Variants in IRAG2 observed in about 807,000 individuals in gnomAD.
The protein encoded by IRAG2 is lymphoid restricted membrane protein.
Under a neutral mutation model 69.9 loss-of-function variants are expected in IRAG2, and 45 were observed. That is an observed-to-expected ratio of 0.64 (90% confidence interval 0.51 to 0.83). IRAG2 has a LOEUF of 0.83. Among genes scored for constraint, IRAG2 ranks in the 40% least tolerant of loss-of-function variants. The probability of loss-of-function intolerance (pLI) is 0.00; values close to 1 mark genes in which losing one functional copy is unlikely to be tolerated. For missense variants in IRAG2, 520 were observed against 587.0 expected, an observed-to-expected ratio of 0.89 and a Z score of 1.18; for synonymous variants, 193 against 202.4, an observed-to-expected ratio of 0.95 and a Z score of 0.40.
At chr12:25,076,965 A>G (rs1016800751) in intron 6 of IRAG2, among the ~76,000 whole-genome samples, 2 of 150,528 alleles carry the variant, frequency 1.3e-5, no homozygotes, top group African/African-American at 4.9e-5. Flanking sequence ...AACCTTAACC[A>G]CCTGGGCTCA....
intron 6 of IRAG2, chr12:25,076,374 G>A (rs1946690132): frequency 1.0e-6 from 1 of 958,382 alleles, no homozygotes. Flanking sequence ...TAACTACAAT[G>A]TTTCATATCT....
At chr12:25,103,096 T>C (rs1948844765) in intron 17 of IRAG2, 2 of 152,220 alleles carry the variant, frequency 1.3e-5, no homozygotes, top group South Asian at 4.1e-4. Context: ...TTAGGGATGA[T>C]GGTTTAAGAA....
Position 25,089,762 on chromosome 12 carries a change from G to T in IRAG2, c.438-1G>T. 6.2e-7 allele frequency: 1 copy of T among 1,613,362 alleles called. No homozygotes were observed. The highest frequency in any genetic ancestry group is 8.5e-7 in the Non-Finnish European group (1 of 1,179,964). The stretch of plus-strand genomic sequence containing the variant: ...AATATGTTTTTTGTCTTATCCTACA[G>T]CACTTCTGCTAATGAGAAGGAGGTG... On this transcript the variant is annotated splice_acceptor_variant, in intron 12 of 21. Transcript: ENST00000556887. LOFTEE classifies it high-confidence loss of function.
At chr12:25,015,985 C>G (rs1944524287) in intron 5 of IRAG2, among the ~76,000 whole-genome samples, 1 of 152,140 alleles carries the variant, frequency 6.6e-6, no homozygotes, top group Admixed American at 6.5e-5. Flanking sequence ...CACTTGAAGT[C>G]AGAAGTTTGA....
At chr12:25,026,819 C>T in exon 9 of IRAG2, 1 of 1,229,160 alleles carries the variant, frequency 8.1e-7, no homozygotes, top group Non-Finnish European at 1.0e-6. Flanking sequence ...TATAGACAGA[C>T]TGGAAAAGAA....
intron 15 of IRAG2, 52 bp downstream of exon 15, chr12:25,097,096 T>G: frequency 6.5e-7 from 1 of 1,531,954 alleles, no homozygotes. Context: ...AAAGATTCAC[T>G]TTTCCTGAGA....
chr12:25,053,005 C>T (rs189125378), intron 1 of IRAG2, 49 bp downstream of exon 1: 8 of 398,100 alleles, frequency 2.0e-5, no homozygotes, highest in Non-Finnish European at 3.1e-5. Flanking sequence ...CACCCTCAGG[C>T]GGGGCATAGG....
In IRAG2 at chr12:25,041,616, C is replaced by G. The variant is rs189937116; in HGVS notation, c.2144+3479C>G. The stretch of plus-strand genomic sequence containing the variant: ...TCCCGAGTTCAAGTGATTCTCTTGC[C>G]TCAGACTCCCAAGTAGCTGTATGCC... On this transcript the variant is annotated intron_variant, in intron 16 of 38. Transcript: ENST00000636465. 2.9e-3 allele frequency among the ~76,000 whole-genome samples: 433 copies of G among 151,736 alleles called. 12 individuals are homozygous for G. Among genetic ancestry groups the G allele is most frequent in the Middle Eastern group, 0.02 (6 of 294 alleles).
In IRAG2 at chr12:25,106,993, G is replaced by A. The variant is rs544896277; in HGVS notation, c.1199G>A (p.Arg400Lys). 6.2e-7 allele frequency: 1 copy of A among 1,608,324 alleles called. No homozygotes were observed. The highest frequency in any genetic ancestry group is 1.3e-5 in the African/African-American group (1 of 74,734). The change falls in exon 21 of 22, where the codon AGG (arginine) becomes AAG (lysine). Residue 400 changes from arginine (R) to lysine (K), a missense_variant. By Grantham distance (26) the Arg-to-Lys change is conservative. Coordinates refer to ENST00000556887, the MANE Select transcript of IRAG2 (RefSeq NM_001366544.2). Reference sequence around the variant, plus strand: ...GGAGAAGAAACAGTAGAAAGGACAAGGAAGCCAAGTCTTTCTGAAAAGAAA... The same window carrying A: ...GGAGAAGAAACAGTAGAAAGGACAAAGAAGCCAAGTCTTTCTGAAAAGAAA... ...PSGEETVERT[R>K]KPSLSEKKNN...
intron 5 of IRAG2, among the ~76,000 whole-genome samples, chr12:25,067,847 T>C (rs958375996): frequency 1.3e-5 from 2 of 151,948 alleles, no homozygotes; most frequent in Non-Finnish European, 2.9e-5. Flanking sequence ...TTTGTTTTTT[T>C]GTTTGTTTTT....
chr12:25,017,406 A>G (rs1159346674), intron 6 of IRAG2: 5 of 988,240 alleles, frequency 5.1e-6, no homozygotes, highest in Admixed American at 4.3e-5. Context: ...CTTAAAGTAT[A>G]CAATTCAGTG....
intron 3 of IRAG2, among the ~76,000 whole-genome samples, chr12:25,013,331 A>G (rs1288594046): frequency 6.6e-6 from 1 of 152,172 alleles, no homozygotes; most frequent in Admixed American, 6.5e-5. Flanking sequence ...TTTTAAAATT[A>G]GCCAGGAGTG....
chr12:25,102,411 T>A (rs1366927051), intron 17 of IRAG2, 170 bp downstream of exon 17: 2 of 600,688 alleles, frequency 3.3e-6, no homozygotes, highest in Middle Eastern at 4.3e-4. Flanking sequence ...TATTTTTGTA[T>A]CAATTAAGTG....
At chr12:25,046,066 T>A (rs1944790708) in intron 16 of IRAG2, among the ~76,000 whole-genome samples, 1 of 152,152 alleles carries the variant, frequency 6.6e-6, no homozygotes, top group African/African-American at 2.4e-5. Context: ...GTTCAATATA[T>A]GCAAATTGAT....
intron 7 of IRAG2, chr12:25,020,991 C>T (rs2139834885): frequency 1.6e-6 from 1 of 620,664 alleles, no homozygotes; most frequent in East Asian, 3.5e-5. Context: ...GGTGGAACAT[C>T]AGAAGTCAAT....
At chr12:25,068,064 C>T (rs1233461376) in intron 5 of IRAG2, among the ~76,000 whole-genome samples, 2 of 152,188 alleles carry the variant, frequency 1.3e-5, no homozygotes, top group Admixed American at 1.3e-4. Flanking sequence ...TGGTCTTGAA[C>T]TCCTGACCTC....
chr12:25,051,801 T>G (rs1240723469), upstream of IRAG2, among the ~76,000 whole-genome samples: 2 of 152,230 alleles, frequency 1.3e-5, no homozygotes, highest in Non-Finnish European at 2.9e-5. Flanking sequence ...CAAAGCTCTC[T>G]TTCCTTTTCT....
At chr12:25,060,016 A>C (rs1945518091) in intron 1 of IRAG2, among the ~76,000 whole-genome samples, 1 of 152,332 alleles carries the variant, frequency 6.6e-6, no homozygotes, top group African/African-American at 2.4e-5. Flanking sequence ...ATCTGCTGTT[A>C]ATAATTTTCC....
At chr12:25,103,666 A>G in intron 17 of IRAG2, 171 bp from the exon 18 acceptor site, 1 of 556,492 alleles carries the variant, frequency 1.8e-6, no homozygotes. Flanking sequence ...ATAAATTGGT[A>G]AAATATTTCT....
Sources: gnomAD v4.1 joint callset for allele counts (sites outside exome capture counted in the v4.1 genomes callset) on GRCh38, gnomAD v4.1.1 for gene constraint, MANE v1.5 for transcripts, NCBI Gene and HGNC (gene_info 2026-07-23, HGNC 2026-07-21) for gene names.